Variants in CNTN4 observed in about 807,000 individuals in gnomAD.
The protein encoded by CNTN4 is contactin-4.
A neutral mutation model predicts 122.5 loss-of-function variants in CNTN4; 77 were observed. The ratio of observed to expected loss-of-function variants is 0.63; its 90% CI spans 0.52 to 0.76. The LOEUF is 0.76. Among genes scored for constraint, CNTN4 ranks in the 30% least tolerant of loss-of-function variants. The pLI, the probability that CNTN4 is intolerant of heterozygous loss-of-function variation, is 0.00. For missense variants in CNTN4, 1,256 were observed against 1,259.1 expected (o/e 1.00, Z 0.04); for synonymous variants, 512 against 447.0 (o/e 1.15, Z -1.83).
intron 9 of CNTN4, among the ~76,000 whole-genome samples, 158 bp from the exon 10 acceptor site, chr3:2,886,882 T>C (rs1326702615): frequency 2.6e-5 from 4 of 152,142 alleles, no homozygotes; most frequent in Non-Finnish European, 5.9e-5. Flanking sequence ...ATGCTAGAGA[T>C]GTGGATATGA....
intron 4 of CNTN4, among the ~76,000 whole-genome samples, chr3:2,689,250 A>G (rs35338458): frequency 3.9e-4 from 60 of 152,268 alleles, no homozygotes; most frequent in Non-Finnish European, 5.4e-4. Context: ...ATTCCAGTCA[A>G]AGTTGCCACT....
rs141538187 is a variant in CNTN4, at chr3:2,306,244, C to T, written c.-144-32934C>T. On this transcript the variant is annotated intron_variant, in intron 2 of 24. Coordinates refer to ENST00000418658, the MANE Select transcript of CNTN4 (RefSeq NM_175607.3). Reference sequence around the variant, plus strand: ...CAAAGTGTTTGCATCATTTTACATTCTCAGCAACAATGCATGAGGGTTTTT... The same window carrying T: ...CAAAGTGTTTGCATCATTTTACATTTTCAGCAACAATGCATGAGGGTTTTT... Among the ~76,000 whole-genome samples, 486 of 152,246 alleles carry T rather than the reference C, an allele frequency of 3.2e-3. 2 individuals are homozygous for T. Among genetic ancestry groups the T allele is most frequent in the African/African-American group, 0.011 (463 of 41,538 alleles).
chr3:2,855,422 A>C lies in CNTN4; in HGVS notation c.455-11330A>C, dbSNP rs141916900. Among the ~76,000 whole-genome samples, 473 of 152,350 alleles carry C rather than the reference A, an allele frequency of 3.1e-3. 4 individuals are homozygous for C. The highest frequency in any genetic ancestry group is 1.6e-3 in the Non-Finnish European group (107 of 68,030). Reference sequence around the variant, plus strand: ...TGTCTCTCCAATGGAACTAATCCTTATTCTACTTATTTCTAAAAATTGTCA... The same window carrying C: ...TGTCTCTCCAATGGAACTAATCCTTCTTCTACTTATTTCTAAAAATTGTCA... On this transcript the variant is annotated intron_variant, in intron 7 of 24. Coordinates refer to ENST00000418658, the MANE Select transcript of CNTN4 (RefSeq NM_175607.3).
chr3:2,625,187 A>G (rs1381389210), intron 4 of CNTN4, among the ~76,000 whole-genome samples: 2 of 152,146 alleles, frequency 1.3e-5, no homozygotes, highest in Non-Finnish European at 2.9e-5. Context: ...ACCCACTGCC[A>G]TCTTCATCCT....
intron 2 of CNTN4, among the ~76,000 whole-genome samples, chr3:2,225,545 CA>C (rs1203803218): frequency 2.6e-5 from 4 of 151,630 alleles, no homozygotes; most frequent in Non-Finnish European, 5.9e-5. Flanking sequence ...CAAAAACAAA[CA>C]AACAAAAACC....
At chr3:2,643,411 G>T (rs2082981255) in intron 4 of CNTN4, among the ~76,000 whole-genome samples, 1 of 152,014 alleles carries the variant, frequency 6.6e-6, no homozygotes, top group Non-Finnish European at 1.5e-5. Context: ...TGGCCTCAAT[G>T]ATCCACCCGC....
chr3:2,943,558 A>G (rs2151523225), intron 13 of CNTN4, among the ~76,000 whole-genome samples: 1 of 149,600 alleles, frequency 6.7e-6, no homozygotes. Context: ...AATTTTATTT[A>G]GATTGTTTGT....
At chr3:2,395,258 G>A (rs1387970828) in intron 3 of CNTN4, among the ~76,000 whole-genome samples, 1 of 152,072 alleles carries the variant, frequency 6.6e-6, no homozygotes, top group Non-Finnish European at 1.5e-5. Context: ...CCATACACAA[G>A]GAAATGCATA....
At chr3:2,488,247 A>G (rs1033470535) in intron 3 of CNTN4, among the ~76,000 whole-genome samples, 5 of 152,256 alleles carry the variant, frequency 3.3e-5, no homozygotes, top group African/African-American at 1.2e-4. Context: ...CAAGTCCTCA[A>G]ATAACATCCT....
chr3:3,034,858 G>C, intron 17 of CNTN4, 68 bp downstream of exon 17: 1 of 1,532,282 alleles, frequency 6.5e-7, no homozygotes, highest in Non-Finnish European at 9.0e-7. Context: ...ACTGTGGCAA[G>C]GAACGTCTAA....
At chr3:2,920,894 C>T (rs780976270) in intron 12 of CNTN4, among the ~76,000 whole-genome samples, 30 of 152,076 alleles carry the variant, frequency 2.0e-4, no homozygotes, top group Non-Finnish European at 3.5e-4. Flanking sequence ...GGAAACAGGG[C>T]ATTCAGTGAA....
At chr3:2,801,172 C>G (rs1258262597) in intron 6 of CNTN4, among the ~76,000 whole-genome samples, 1 of 152,216 alleles carries the variant, frequency 6.6e-6, no homozygotes, top group African/African-American at 2.4e-5. Flanking sequence ...AAAGCAAGAT[C>G]TGGACTCTGC....
At chr3:2,695,630 G>C (rs994829632) in intron 4 of CNTN4, among the ~76,000 whole-genome samples, 1 of 152,176 alleles carries the variant, frequency 6.6e-6, no homozygotes, top group African/African-American at 2.4e-5. Context: ...GGATGTTATA[G>C]AGAAGACGAA....
intron 2 of CNTN4, among the ~76,000 whole-genome samples, chr3:2,315,396 A>G (rs897730870): frequency 6.6e-6 from 1 of 152,052 alleles, no homozygotes; most frequent in Non-Finnish European, 1.5e-5. Context: ...GAGAAGTGGG[A>G]TGCTGTTATC....
intron 3 of CNTN4, among the ~76,000 whole-genome samples, chr3:2,341,077 G>A (rs2044194160): frequency 6.6e-6 from 1 of 152,066 alleles, no homozygotes. Flanking sequence ...CCTCAAGCTT[G>A]TTTAGATGTG....
chr3:2,740,311 G>T (rs916793640), intron 5 of CNTN4, among the ~76,000 whole-genome samples: 1 of 152,208 alleles, frequency 6.6e-6, no homozygotes, highest in South Asian at 2.1e-4. Flanking sequence ...AGTGAGCTAT[G>T]ATTGCACCAC....
At chr3:2,912,033 G>A (rs906000199) in intron 12 of CNTN4, among the ~76,000 whole-genome samples, 2 of 151,992 alleles carry the variant, frequency 1.3e-5, no homozygotes, top group Non-Finnish European at 2.9e-5. Context: ...AGAAAAAATG[G>A]CTGAAAACTT....
chr3:2,718,253 T>C (rs982759195), intron 4 of CNTN4, among the ~76,000 whole-genome samples: 2 of 152,144 alleles, frequency 1.3e-5, no homozygotes, highest in African/African-American at 2.4e-5. Context: ...TTTTTAACCC[T>C]TTAACGTTTG....
chr3:2,129,126 A>C (rs1349768195), intron 2 of CNTN4, among the ~76,000 whole-genome samples: 2 of 152,130 alleles, frequency 1.3e-5, no homozygotes, highest in Admixed American at 6.5e-5. Flanking sequence ...AAATAAAACA[A>C]AATTTCACCA....
Sources: gnomAD v4.1 joint callset for allele counts (sites outside exome capture counted in the v4.1 genomes callset) on GRCh38, gnomAD v4.1.1 for gene constraint, MANE v1.5 for transcripts, NCBI Gene and HGNC (gene_info 2026-07-23, HGNC 2026-07-21) for gene names.